Variants in SNX27 observed in about 807,000 individuals in gnomAD.
SNX27 encodes sorting nexin 27.
Under a neutral mutation model 71.6 loss-of-function variants are expected in SNX27, and 22 were observed. The ratio of observed to expected loss-of-function variants is 0.31; its 90% CI spans 0.22 to 0.44. The LOEUF is 0.44. Among genes scored for constraint, SNX27 ranks in the 20% least tolerant of loss-of-function variants. SNX27 has a pLI of 1.00. For synonymous variants in SNX27, 269 were observed against 277.2 expected (o/e 0.97, Z 0.29); for missense variants, 531 against 698.6 (o/e 0.76, Z 2.70).
chr1:151,636,463 G>T (rs1288022577), intron 1 of SNX27, among the ~76,000 whole-genome samples: 1 of 151,940 alleles, frequency 6.6e-6, no homozygotes, highest in Non-Finnish European at 1.5e-5. Context: ...ACCAGGCCTG[G>T]CTAATCTTTT....
intron 7 of SNX27, among the ~76,000 whole-genome samples, chr1:151,681,652 TTC>T (rs2102720622): frequency 6.6e-6 from 1 of 152,284 alleles, no homozygotes; most frequent in East Asian, 1.9e-4. Context: ...CCTTATTTCA[TTC>T]TCTCTTCAGG....
At chr1:151,692,688 CTG>C (rs1671514326) in intron 9 of SNX27, 104 bp downstream of exon 9, 16 of 1,506,632 alleles carry the variant, frequency 1.1e-5, no homozygotes, top group Admixed American at 4.1e-5. Context: ...GAAATCAAAA[CTG>C]TATTTTGACT....
chr1:151,649,148 G>A (rs1571812711), intron 2 of SNX27, among the ~76,000 whole-genome samples: 1 of 151,746 alleles, frequency 6.6e-6, no homozygotes, highest in African/African-American at 2.4e-5. Context: ...TTTTAGTAGA[G>A]ACAGGGTTTC....
intron 7 of SNX27, among the ~76,000 whole-genome samples, chr1:151,673,446 A>G (rs1262206177): frequency 6.6e-6 from 1 of 152,146 alleles, no homozygotes; most frequent in African/African-American, 2.4e-5. Context: ...GACCTAACAT[A>G]TGGTCTGCTC....
chr1:151,691,484 T>TC (rs1671446263), intron 8 of SNX27, among the ~76,000 whole-genome samples: 1 of 147,026 alleles, frequency 6.8e-6, no homozygotes, highest in African/African-American at 2.5e-5. Flanking sequence ...TTTTTTTTTT[T>TC]CCTTGAGACA....
At chr1:151,627,890 C>A (rs531324932) in intron 1 of SNX27, among the ~76,000 whole-genome samples, 1 of 152,090 alleles carries the variant, frequency 6.6e-6, no homozygotes, top group East Asian at 1.9e-4. Context: ...AACCACTGAT[C>A]TTTGCCTTTT....
intron 1 of SNX27, among the ~76,000 whole-genome samples, chr1:151,629,632 G>A (rs1015045612): frequency 6.8e-6 from 1 of 147,040 alleles, no homozygotes; most frequent in African/African-American, 2.5e-5. Flanking sequence ...TGACCAGGCT[G>A]GAGTGCAGTG....
At chr1:151,651,943 C>T (rs1357530417) in intron 2 of SNX27, among the ~76,000 whole-genome samples, 8 of 152,080 alleles carry the variant, frequency 5.3e-5, no homozygotes, top group African/African-American at 1.9e-4. Flanking sequence ...ACTCCGTCTG[C>T]AATCCCGGCA....
At chr1:151,689,282 G>T (rs1267171096) in intron 8 of SNX27, among the ~76,000 whole-genome samples, 2 of 152,172 alleles carry the variant, frequency 1.3e-5, no homozygotes, top group Non-Finnish European at 2.9e-5. Flanking sequence ...AGTGGAACTA[G>T]AATTTGAAAA....
chr1:151,620,945 C>T (rs555861969), intron 1 of SNX27, among the ~76,000 whole-genome samples: 1 of 152,302 alleles, frequency 6.6e-6, no homozygotes, highest in South Asian at 2.1e-4. Context: ...CCACCTCGGC[C>T]TCCCAAAGTA....
At chr1:151,626,688 C>G (rs1667959631) in intron 1 of SNX27, among the ~76,000 whole-genome samples, 1 of 149,458 alleles carries the variant, frequency 6.7e-6, no homozygotes, top group South Asian at 2.1e-4. Flanking sequence ...GGCGACAGAG[C>G]AAGACTCCGT....
chr1:151,634,380 T>C (rs1668379284), intron 1 of SNX27, among the ~76,000 whole-genome samples: 1 of 152,220 alleles, frequency 6.6e-6, no homozygotes, highest in African/African-American at 2.4e-5. Flanking sequence ...GTGATTGGGT[T>C]TGTCATATTT....
intron 1 of SNX27, among the ~76,000 whole-genome samples, chr1:151,616,302 C>T (rs1234877496): frequency 2.0e-5 from 3 of 152,078 alleles, no homozygotes; most frequent in East Asian, 1.9e-4. Flanking sequence ...TCTCGAGAGA[C>T]GCTGCTGGAA....
At chr1:151,684,941 T>A (rs1270489644) in intron 8 of SNX27, among the ~76,000 whole-genome samples, 3 of 152,074 alleles carry the variant, frequency 2.0e-5, no homozygotes, top group Non-Finnish European at 4.4e-5. Context: ...CTCGAGTAGC[T>A]GGGACTATAG....
chr1:151,668,801 A>C lies in SNX27; in HGVS notation c.1149+166A>C, dbSNP rs532410988. 3.3e-5 allele frequency among the ~76,000 whole-genome samples: 5 copies of C among 152,348 alleles called. No individual in the cohort carries two copies. In the East Asian group the frequency reaches 9.6e-4, roughly 29 times the overall value. ...TTTCACGAAAGATAAATAATAGATA[A>C]GTTTTAGAAGTAAAGATATCCTGGA... On this transcript the variant is annotated intron_variant, in intron 7 of 11. Coordinates refer to ENST00000458013, the MANE Select transcript of SNX27 (RefSeq NM_001330723.2).
chr1:151,620,347 C>T (rs555574435), intron 1 of SNX27, among the ~76,000 whole-genome samples: 11 of 152,170 alleles, frequency 7.2e-5, no homozygotes, highest in African/African-American at 2.4e-4. Context: ...AGTTGAATAA[C>T]TTTTCCAAGG....
At chr1:151,638,784 T>G in intron 1 of SNX27, 104 bp from the exon 2 acceptor site, 10 of 989,024 alleles carry the variant, frequency 1.0e-5, no homozygotes, top group Non-Finnish European at 1.5e-5. Flanking sequence ...TTTGACTTCA[T>G]GGTTCATACC....
At chr1:151,633,295 C>T (rs546293137) in intron 1 of SNX27, among the ~76,000 whole-genome samples, 2 of 152,084 alleles carry the variant, frequency 1.3e-5, no homozygotes, top group Non-Finnish European at 2.9e-5. Context: ...CAGACAGTTC[C>T]ATCACTTTTT....
intron 1 of SNX27, chr1:151,615,619 G>A (rs1667391197): frequency 2.4e-6 from 2 of 843,432 alleles, no homozygotes; most frequent in Non-Finnish European, 2.9e-6. Flanking sequence ...GAGCCAGGTG[G>A]GGTCAGAATT....
Sources: gnomAD v4.1 joint callset for allele counts (sites outside exome capture counted in the v4.1 genomes callset) on GRCh38, gnomAD v4.1.1 for gene constraint, MANE v1.5 for transcripts, NCBI Gene and HGNC (gene_info 2026-07-23, HGNC 2026-07-21) for gene names.